TMEM178B: variants seen among roughly 807,000 people sequenced by gnomAD.
TMEM178B encodes transmembrane protein 178B.
A neutral mutation model predicts 31.0 loss-of-function variants in TMEM178B; 5 were observed. The observed-to-expected ratio is 0.16, with a 90% CI of 0.08 to 0.34. The LOEUF (loss-of-function observed/expected upper bound fraction) is 0.34. TMEM178B is among the 10% of genes least tolerant of loss of function. The probability of loss-of-function intolerance (pLI) is 1.00; values close to 1 mark genes in which losing one functional copy is unlikely to be tolerated. For synonymous variants in TMEM178B, 164 were observed against 164.0 expected (o/e 1.00, Z 0.00); for missense variants, 275 against 400.3 (o/e 0.69, Z 2.67).
At chr7:141,166,964 T>C (rs140724354) in intron 1 of TMEM178B, among the ~76,000 whole-genome samples, 2,450 of 152,306 alleles carry the variant, frequency 0.016, 26 homozygotes, top group Middle Eastern at 0.027. Context: ...TTCCTCTCAG[T>C]CTCATGTTAA....
At chr7:141,243,851 C>G (rs1044022190) in intron 2 of TMEM178B, among the ~76,000 whole-genome samples, 2 of 152,146 alleles carry the variant, frequency 1.3e-5, no homozygotes, top group African/African-American at 2.4e-5. Context: ...TGGAATAATT[C>G]AAGTCCGTGT....
intron 2 of TMEM178B, among the ~76,000 whole-genome samples, chr7:141,252,226 G>A (rs1426220804): frequency 6.6e-6 from 1 of 152,134 alleles, no homozygotes. Context: ...GTCCATGGAT[G>A]GGAAGGTTGC....
At chr7:141,419,100 G>A (rs1801154278) in intron 2 of TMEM178B, among the ~76,000 whole-genome samples, 1 of 152,016 alleles carries the variant, frequency 6.6e-6, no homozygotes, top group East Asian at 1.9e-4. Context: ...AGTAGAGATG[G>A]GATTTCACCA....
intron 2 of TMEM178B, among the ~76,000 whole-genome samples, chr7:141,358,606 A>T (rs1460408289): frequency 6.6e-6 from 1 of 152,066 alleles, no homozygotes; most frequent in African/African-American, 2.4e-5. Flanking sequence ...TACATAAATT[A>T]AAAAACCATT....
chr7:141,118,792 G>A (rs1795364557), intron 1 of TMEM178B, among the ~76,000 whole-genome samples: 1 of 152,176 alleles, frequency 6.6e-6, no homozygotes, highest in African/African-American at 2.4e-5. Context: ...AAAGAAGAAA[G>A]GGTACTGAAG....
At chr7:141,358,523 G>T (rs541166999) in intron 2 of TMEM178B, among the ~76,000 whole-genome samples, 1 of 152,038 alleles carries the variant, frequency 6.6e-6, no homozygotes, top group Admixed American at 6.6e-5. Flanking sequence ...GATGTTCTTT[G>T]TTCCCTAAAC....
intron 1 of TMEM178B, among the ~76,000 whole-genome samples, chr7:141,161,115 A>G (rs1796164238): frequency 6.6e-6 from 1 of 152,158 alleles, no homozygotes; most frequent in South Asian, 2.1e-4. Flanking sequence ...TTGGCCTCCC[A>G]AAGTGCTGGG....
chr7:141,085,033 C>T (rs1794755747), intron 1 of TMEM178B, among the ~76,000 whole-genome samples: 1 of 151,984 alleles, frequency 6.6e-6, no homozygotes. Flanking sequence ...TGCGCACTGC[C>T]ACATCACGAT....
chr7:141,388,676 ACC>A (rs139678782), intron 2 of TMEM178B, among the ~76,000 whole-genome samples: 1,708 of 152,204 alleles, frequency 0.011, 25 homozygotes, highest in African/African-American at 0.038. Context: ...ATTTTTTCCC[ACC>A]AATCACTGCA....
At chr7:141,340,716 AAAG>A (rs1425143604) in intron 2 of TMEM178B, among the ~76,000 whole-genome samples, 3 of 152,230 alleles carry the variant, frequency 2.0e-5, no homozygotes, top group Non-Finnish European at 4.4e-5. Flanking sequence ...AAGGAAAGGA[AAAG>A]AAATATCATA....
chr7:141,453,996 G>T (rs1050047429), intron 3 of TMEM178B, among the ~76,000 whole-genome samples: 1 of 151,468 alleles, frequency 6.6e-6, no homozygotes, highest in African/African-American at 2.4e-5. Flanking sequence ...TCCAATTTGG[G>T]CCCTGGGTAA....
intron 1 of TMEM178B, among the ~76,000 whole-genome samples, chr7:141,139,680 A>G (rs1795736459): frequency 6.6e-6 from 1 of 152,186 alleles, no homozygotes; most frequent in African/African-American, 2.4e-5. Flanking sequence ...TGTAATTTCC[A>G]TAGTTGCACA....
chr7:141,482,658 A>T (rs1802497478), downstream of TMEM178B, among the ~76,000 whole-genome samples: 1 of 152,192 alleles, frequency 6.6e-6, no homozygotes, highest in South Asian at 2.1e-4. Flanking sequence ...GACTGACAGA[A>T]CTCAGAAGAG....
intron 1 of TMEM178B, among the ~76,000 whole-genome samples, chr7:141,158,686 A>T (rs989962409): frequency 3.3e-5 from 5 of 152,158 alleles, no homozygotes; most frequent in Admixed American, 3.3e-4. Context: ...GGGGATGCCT[A>T]GATCTCACGC....
At chr7:141,305,277 C>T (rs185017502) in intron 2 of TMEM178B, among the ~76,000 whole-genome samples, 102 of 152,218 alleles carry the variant, frequency 6.7e-4, no homozygotes, top group Non-Finnish European at 2.5e-4. Context: ...AGGTAGTAGC[C>T]AATGCTCATA....
chr7:141,173,656 C>T (rs1796382193), intron 1 of TMEM178B, among the ~76,000 whole-genome samples: 1 of 152,168 alleles, frequency 6.6e-6, no homozygotes, highest in Non-Finnish European at 1.5e-5. Flanking sequence ...CTCAATCAAT[C>T]ATAATGTTTG....
chr7:141,381,486 C>T (rs371645091), intron 2 of TMEM178B, among the ~76,000 whole-genome samples: 3 of 151,916 alleles, frequency 2.0e-5, no homozygotes, highest in African/African-American at 4.8e-5. Context: ...CTTTTTCTTT[C>T]CTGAGCTCCA....
At chr7:141,343,028 T>A (rs1799545601) in intron 2 of TMEM178B, among the ~76,000 whole-genome samples, 1 of 152,172 alleles carries the variant, frequency 6.6e-6, no homozygotes, top group Non-Finnish European at 1.5e-5. Context: ...AAAACACAGA[T>A]TGCTTGGCCC....
intron 1 of TMEM178B, among the ~76,000 whole-genome samples, chr7:141,187,404 G>T (rs1451967093): frequency 6.6e-6 from 1 of 151,996 alleles, no homozygotes; most frequent in Non-Finnish European, 1.5e-5. Context: ...ATAAACATAC[G>T]TGTGCATGTG....
Sources: allele counts gnomAD v4.1 joint callset (sites outside exome capture counted in the v4.1 genomes callset), GRCh38; gene constraint gnomAD v4.1.1; transcripts MANE v1.5; gene names NCBI Gene and HGNC (gene_info 2026-07-23, HGNC 2026-07-21).